ZNF766: variants seen among roughly 807,000 people sequenced by gnomAD.
ZNF766 encodes zinc finger protein 766.
In ZNF766, 13 loss-of-function variants were observed where a neutral mutation model predicts 13.2. The ratio of observed to expected loss-of-function variants is 0.98; its 90% confidence interval spans 0.64 to 1.56. The LOEUF is 1.56. Among genes scored for constraint, ZNF766 ranks in the 40% most tolerant of loss-of-function variants. ZNF766 has a pLI of 0.00. For missense variants in ZNF766, 521 were observed against 552.2 expected (o/e 0.94, Z 0.57); for synonymous variants, 178 against 187.6 (o/e 0.95, Z 0.42).
intron 3 of ZNF766, chr19:52,288,143 C>T (rs556580053): frequency 1.9e-5 from 6 of 318,460 alleles, no homozygotes; most frequent in African/African-American, 7.0e-5. Context: ...GCCTCAGCCT[C>T]CCAAGTAGCT....
chr19:52,273,903 T>C (rs1320446395), intron 1 of ZNF766, among the ~76,000 whole-genome samples: 1 of 152,206 alleles, frequency 6.6e-6, no homozygotes, highest in Admixed American at 6.5e-5. Flanking sequence ...GCCTCTTACC[T>C]GAGATTCCCA....
chr19:52,274,853 T>C (rs535177110), intron 1 of ZNF766, among the ~76,000 whole-genome samples: 1 of 151,926 alleles, frequency 6.6e-6, no homozygotes, highest in Non-Finnish European at 1.5e-5. Context: ...AATAGGAAAC[T>C]GAAGGAGAAA....
In ZNF766 at chr19:52,290,522, A is replaced by G. The variant is rs1349029029; in HGVS notation, c.731A>G (p.Lys244Arg). 1.2e-6 allele frequency: 2 copies of G among 1,614,074 alleles called. No homozygotes were observed. Among genetic ancestry groups the G allele is most frequent in the Admixed American group, 1.7e-5 (1 of 60,010 alleles). The part of the protein sequence containing the change: ...WRIRTGEKPY[K>R]CKECGKLFNR... ...ATTCGTACAGGAGAGAAACCTTACA[A>G]ATGTAAAGAGTGTGGCAAGCTCTTC... The change falls in exon 4 of 4, where the codon AAA (lysine) becomes AGA (arginine). Residue 244 changes from lysine (K) to arginine (R), a missense_variant. By Grantham distance (26) the Lys-to-Arg change is conservative. Transcript: ENST00000439461.
At chr19:52,286,643 A>G (rs1043066697) in intron 3 of ZNF766, among the ~76,000 whole-genome samples, 1 of 151,920 alleles carries the variant, frequency 6.6e-6, no homozygotes, top group African/African-American at 2.4e-5. Context: ...TATTGCATGG[A>G]TTTCTTTTTC....
chr19:52,277,054 C>G (rs1182474391), intron 1 of ZNF766: 1 of 957,540 alleles, frequency 1.0e-6, no homozygotes, highest in East Asian at 1.1e-4. Flanking sequence ...AGCAGAGGAC[C>G]GTATTTCCAC....
intron 1 of ZNF766, among the ~76,000 whole-genome samples, chr19:52,270,739 G>A (rs1328725976): frequency 6.6e-6 from 1 of 152,212 alleles, no homozygotes; most frequent in African/African-American, 2.4e-5. Flanking sequence ...CAAAAGATTG[G>A]AGAGAAAGAG....
chr19:52,269,705 G>T, intron 1 of ZNF766, 74 bp downstream of exon 1: 1 of 1,578,952 alleles, frequency 6.3e-7, no homozygotes, highest in Non-Finnish European at 8.6e-7. Flanking sequence ...GATGTGGGGG[G>T]CGGTACAGAC....
At chr19:52,289,743 A>G (rs111670122) in intron 3 of ZNF766, among the ~76,000 whole-genome samples, 4,561 of 152,100 alleles carry the variant, frequency 0.03, 105 homozygotes, top group Middle Eastern at 0.054. Flanking sequence ...GCTCACACCT[A>G]TAATCCCAGC....
chr19:52,272,421 C>G (rs898044338), intron 1 of ZNF766, among the ~76,000 whole-genome samples: 1 of 152,110 alleles, frequency 6.6e-6, no homozygotes, highest in Admixed American at 6.6e-5. Flanking sequence ...TCTCCTGAAG[C>G]TGTCTTCTCT....
chr19:52,285,007 G>T (rs1237038214), intron 3 of ZNF766: 5 of 151,950 alleles, frequency 3.3e-5, no homozygotes, highest in Non-Finnish European at 7.4e-5. Flanking sequence ...TACCCTTCCT[G>T]GAGGATGGTG....
intron 3 of ZNF766, 34 bp downstream of exon 3, chr19:52,283,447 C>CTTT (rs527871489): frequency 2.1e-4 from 290 of 1,368,324 alleles, no homozygotes; most frequent in South Asian, 5.5e-4. Flanking sequence ...GAAAGCCACA[C>CTTT]TTTTTTTTTT....
At chr19:52,277,562 G>C in intron 1 of ZNF766, 1 of 1,555,802 alleles carries the variant, frequency 6.4e-7, no homozygotes, top group Non-Finnish European at 8.6e-7. Flanking sequence ...ATTCTCAGTA[G>C]ATTGTTCTGT....
rs1296607300 is a variant in ZNF766 at position 52,290,215 on chromosome 19, C to G, written c.424C>G (p.His142Asp). The change falls in exon 4 of 4, where the codon CAC becomes GAC. Residue 142 changes from histidine to aspartate, a missense_variant. Transcript: ENST00000439461. ...ECNQVQKFIS[H>D]SSSVSPLQRI... ...TAATCAAGTTCAAAAGTTCATCAGC[C>G]ACAGTTCTTCAGTTTCGCCACTTCA... 1.2e-6 allele frequency: 2 copies of G among 1,613,866 alleles called. No individual in the cohort carries two copies. Among genetic ancestry groups the G allele is most frequent in the Non-Finnish European group, 1.7e-6 (2 of 1,179,900 alleles).
At chr19:52,288,270 C>T (rs756723161) in intron 3 of ZNF766, among the ~76,000 whole-genome samples, 2 of 152,204 alleles carry the variant, frequency 1.3e-5, no homozygotes, top group Non-Finnish European at 2.9e-5. Context: ...ATCCACCCGC[C>T]TTGGCCTCCC....
At chr19:52,280,172 G>C (rs1158602516) in intron 1 of ZNF766, among the ~76,000 whole-genome samples, 3 of 152,036 alleles carry the variant, frequency 2.0e-5, no homozygotes, top group East Asian at 3.9e-4. Context: ...CATTTTTATT[G>C]TTGCAAAGAT....
At chr19:52,276,997 T>G (rs997852061) in intron 1 of ZNF766, among the ~76,000 whole-genome samples, 1 of 152,200 alleles carries the variant, frequency 6.6e-6, no homozygotes, top group African/African-American at 2.4e-5. Context: ...TCACTTGTTC[T>G]TCCTGTAGGA....
intron 1 of ZNF766, among the ~76,000 whole-genome samples, chr19:52,273,577 C>G (rs747057847): frequency 1.1e-4 from 17 of 152,202 alleles, no homozygotes; most frequent in African/African-American, 4.1e-4. Flanking sequence ...CTGGACATCT[C>G]TAGCCTGTCA....
chr19:52,287,084 C>A lies in ZNF766; in HGVS notation c.275-2982C>A, dbSNP rs375476967. Among the ~76,000 whole-genome samples the A allele has an allele frequency of 6.6e-4, 101 of 152,176 alleles. 1 individual carries two copies. The highest frequency in any genetic ancestry group is 2.3e-3 in the African/African-American group (97 of 41,520). ...TCCTGACCTCAGGTGATCTGCCTGC[C>A]TCAGCCTCCCAAAGTGCTGGGATTA... On this transcript the variant is annotated intron_variant, in intron 3 of 3. Transcript: ENST00000439461.
rs1246955888 is a variant in ZNF766, at chr19:52,282,099, CT to C, written c.19-8del. On this transcript the variant is annotated splice_polypyrimidine_tract_variant and intron_variant, in intron 1 of 3. Coordinates refer to ENST00000439461, the MANE Select transcript of ZNF766 (RefSeq NM_001010851.3). ...TCCTTACCCTGTTGGTCAAATACAT[CT>C]TTTATTTTAGGGACACTTGACATTC... is the stretch of plus-strand genomic sequence containing the variant. 3.1e-6 allele frequency: 5 copies of C among 1,594,530 alleles called. No individual in the cohort carries two copies. Among genetic ancestry groups the C allele is most frequent in the Admixed American group, 3.4e-5 (2 of 58,830 alleles).
Sources: allele counts gnomAD v4.1 joint callset (sites outside exome capture counted in the v4.1 genomes callset), GRCh38; gene constraint gnomAD v4.1.1; transcripts MANE v1.5; gene names NCBI Gene and HGNC (gene_info 2026-07-23, HGNC 2026-07-21).